Variants in PRDM1 observed in about 807,000 individuals in gnomAD.
The protein encoded by PRDM1 is PR/SET domain 1, also known as PR domain zinc finger protein 1.
A neutral mutation model predicts 62.8 loss-of-function variants in PRDM1; 13 were observed. The ratio of observed to expected loss-of-function variants is 0.21; its 90% CI spans 0.13 to 0.33. The LOEUF is 0.33. Among genes scored for constraint, PRDM1 ranks in the 10% least tolerant of loss-of-function variants. PRDM1 has a pLI of 1.00. For missense variants in PRDM1, 895 were observed against 1,058.8 expected (o/e 0.85, Z 2.15); for synonymous variants, 396 against 417.6 (o/e 0.95, Z 0.63).
At chr6:106,041,439 T>C (rs1772992973) in intron 1 of PRDM1, among the ~76,000 whole-genome samples, 3 of 152,372 alleles carry the variant, frequency 2.0e-5, no homozygotes, top group Admixed American at 2.0e-4. Context: ...TATGTTCTTT[T>C]ACTTTCATTA....
rs1241285544 is a variant in PRDM1, at chr6:105,999,350, G to A, written c.-67+5711G>A. 4.7e-5 allele frequency among the ~76,000 whole-genome samples: 7 copies of A among 150,102 alleles called. No homozygotes were observed. In the East Asian group the frequency reaches 1.5e-3, roughly 31 times the overall value. ...GTGGGAGGATCACTTGAGGCCAGGA[G>A]TTTGAGACCAGCCTGGGCAATATAG... On this transcript the variant is annotated intron_variant, in intron 1 of 6. Transcript: ENST00000652320.
intron 1 of PRDM1, among the ~76,000 whole-genome samples, chr6:106,027,501 A>C (rs771529693): frequency 6.6e-6 from 1 of 152,182 alleles, no homozygotes; most frequent in Non-Finnish European, 1.5e-5. Flanking sequence ...CTGAATACCT[A>C]CACCAAAGCC....
In PRDM1 at chr6:106,088,352, A is replaced by C; in HGVS notation, c.194A>C (p.His65Pro). The change falls in exon 2 of 7, where the codon CAC (histidine) becomes CCC (proline). Residue 65 changes from histidine to proline, a missense_variant. By Grantham distance (77) the His-to-Pro change is moderately conservative. This residue lies in a region of PRDM1 where 213 missense variants were observed against 283.9 expected (regional missense o/e 0.75). Coordinates refer to ENST00000369096, the MANE Select transcript of PRDM1 (RefSeq NM_001198.4). The stretch of plus-strand genomic sequence containing the variant: ...AAGTGTACATACATTGTGAACGACC[A>C]CCCCTGGGATTCTGGTGCTGATGGC... Reference protein sequence around the residue: ...EEKCTYIVNDHPWDSGADGGT... With the variant: ...EEKCTYIVNDPPWDSGADGGT... 1 of 1,614,034 alleles carries C rather than the reference A, an allele frequency of 6.2e-7. No individual in the cohort carries two copies. Among genetic ancestry groups the C allele is most frequent in the Non-Finnish European group, 8.5e-7 (1 of 1,179,998 alleles).
upstream of PRDM1, among the ~76,000 whole-genome samples, chr6:105,992,819 T>C (rs866325117): frequency 6.6e-6 from 1 of 152,188 alleles, no homozygotes; most frequent in African/African-American, 2.4e-5. Flanking sequence ...CTGGACACTG[T>C]GCACAATCAC....
intron 1 of PRDM1, among the ~76,000 whole-genome samples, chr6:106,027,754 C>T (rs1772785827): frequency 6.6e-6 from 1 of 152,100 alleles, no homozygotes; most frequent in South Asian, 2.1e-4. Context: ...TGAGAGTGTC[C>T]TACAAATGAG....
chr6:105,994,932 G>T lies in PRDM1; in HGVS notation c.-67+1293G>T, dbSNP rs1450301728. 6.6e-6 allele frequency among the ~76,000 whole-genome samples: 1 copy of T among 152,232 alleles called. No individual in the cohort carries two copies. The highest frequency in any genetic ancestry group is 1.5e-5 in the Non-Finnish European group (1 of 68,028). On this transcript the variant is annotated intron_variant, in intron 1 of 6. Transcript: ENST00000652320. This position sits in a 1 kb window ranked among gnomAD's most constrained non-coding sequence, Gnocchi z 4.1. ...GAGCCTCCCGGCTTGCGGAGGGCTT[G>T]AGTTTTTTGGCGGAGACAGAGGAAA... is the stretch of plus-strand genomic sequence containing the variant.
At position 106,064,358 on chromosome 6, in the gene PRDM1, C is replaced by A. The variant is rs1773393125; in HGVS notation, c.-67+15644C>A. 2.0e-5 allele frequency among the ~76,000 whole-genome samples: 3 copies of A among 152,230 alleles called. No homozygotes were observed. The South Asian group carries it at 6.2e-4, about 32-fold the overall frequency. On this transcript the variant is annotated intron_variant, in intron 1 of 6. Coordinates refer to the PRDM1 transcript ENST00000651185. ...GTTCACAGGGCAGTCACAGTGATCA[C>A]TCAGGATCAGTGAGATGCTTAGCCA...
At chr6:106,021,644 G>C (rs1370333809) in intron 1 of PRDM1, among the ~76,000 whole-genome samples, 1 of 152,236 alleles carries the variant, frequency 6.6e-6, no homozygotes, top group Non-Finnish European at 1.5e-5. Context: ...TATTGAGACA[G>C]AGTTTCACTC....
Position 106,105,091 on chromosome 6 carries a change from A to C in PRDM1, c.931A>C (p.Lys311Gln), listed in dbSNP as rs770391600. 1.3e-4 allele frequency: 207 copies of C among 1,613,900 alleles called. No homozygotes were observed. The highest frequency in any genetic ancestry group is 1.6e-4 in the Non-Finnish European group (194 of 1,179,998). Reference sequence around the variant, plus strand: ...GGCCCCTCTGCCAGAAGACTTTTTGAAAGCTTCCCTGGCCTACGGGATCGA... The same window carrying C: ...GGCCCCTCTGCCAGAAGACTTTTTGCAAGCTTCCCTGGCCTACGGGATCGA... ...IRAPLPEDFL[K>Q]ASLAYGIERP... Residue 311 changes from lysine (K) to glutamine (Q), a missense_variant, in exon 5 of 7, where the codon AAA (lysine) becomes CAA (glutamine). Lys to Gln is a moderately conservative substitution (Grantham distance 53). Around this residue, in one of 4 missense-constraint regions of PRDM1, gnomAD observed 444 missense variants for 422.7 expected, o/e 1.05. Transcript: ENST00000369096.
chr6:106,075,798 C>G (rs1773595315), intron 1 of PRDM1, among the ~76,000 whole-genome samples: 1 of 152,150 alleles, frequency 6.6e-6, no homozygotes, highest in Non-Finnish European at 1.5e-5. Context: ...CTCAAGTGAT[C>G]CTCCTGCCTC....
rs767847344 is a variant in PRDM1 at position 106,107,291 on chromosome 6, C to G, written c.2283C>G (p.Ala761=). The part of the protein sequence containing the change: ...VISVVEKEIL[A]VVRKEKEETG... ...CTGTAGTGGAGAAGGAAATTCTGGC[C>G]GTGGTCAGAAAAGAGAAAGAAGAAA... Residue 761 remains alanine (A), a synonymous_variant, in exon 7 of 7, where the codon GCC becomes GCG. Coordinates refer to ENST00000369096, the MANE Select transcript of PRDM1 (RefSeq NM_001198.4). The G allele has an allele frequency of 6.2e-7, 1 of 1,614,014 alleles. No individual in the cohort carries two copies. Among genetic ancestry groups the G allele is most frequent in the Non-Finnish European group, 8.5e-7 (1 of 1,180,012 alleles).
At chr6:106,067,828 A>G (rs1773456389) in intron 1 of PRDM1, among the ~76,000 whole-genome samples, 1 of 152,160 alleles carries the variant, frequency 6.6e-6, no homozygotes, top group South Asian at 2.1e-4. Context: ...TGTAATTAAT[A>G]CTACTGAGTC....
chr6:106,098,957 T>C, intron 3 of PRDM1: 1 of 1,540,862 alleles, frequency 6.5e-7, no homozygotes, highest in Non-Finnish European at 8.8e-7. Flanking sequence ...ATCGCCCATT[T>C]GCCATTCACT....
chr6:106,098,901 A>G, intron 3 of PRDM1: 3 of 1,509,274 alleles, frequency 2.0e-6, no homozygotes, highest in Non-Finnish European at 2.7e-6. Flanking sequence ...CTACCCAGTG[A>G]CTCAAAGCAC....
intron 2 of PRDM1, among the ~76,000 whole-genome samples, chr6:106,094,249 TC>T (rs1774031478): frequency 6.6e-6 from 1 of 152,180 alleles, no homozygotes; most frequent in Non-Finnish European, 1.5e-5. Context: ...TACCACTCCC[TC>T]CTCCTTGGTC....
At chr6:106,089,866 C>A (rs1307556742) in intron 2 of PRDM1, among the ~76,000 whole-genome samples, 1 of 152,124 alleles carries the variant, frequency 6.6e-6, no homozygotes, top group Non-Finnish European at 1.5e-5. Context: ...TCGTCTGTTC[C>A]CAAGCTTCGT....
intron 1 of PRDM1, among the ~76,000 whole-genome samples, chr6:106,060,883 A>G (rs1773334606): frequency 6.6e-6 from 1 of 152,090 alleles, no homozygotes; most frequent in Non-Finnish European, 1.5e-5. Flanking sequence ...GGAGGATGAC[A>G]GTGAGCCAGA....
upstream of PRDM1, among the ~76,000 whole-genome samples, chr6:106,082,828 G>A (rs922339533): frequency 2.0e-5 from 3 of 152,220 alleles, no homozygotes; most frequent in African/African-American, 7.2e-5. Flanking sequence ...GCTGTGTCAT[G>A]AGAAGGAAGC....
chr6:106,017,962 G>C (rs1428261478), intron 1 of PRDM1, among the ~76,000 whole-genome samples: 2 of 152,064 alleles, frequency 1.3e-5, no homozygotes, highest in African/African-American at 4.8e-5. Flanking sequence ...GTACCTGTAG[G>C]GCTGTAAAGA....
Sources: gnomAD v4.1 joint callset for allele counts (sites outside exome capture counted in the v4.1 genomes callset) on GRCh38, gnomAD v4.1.1 for gene constraint, gnomAD v4.1.1 regional missense constraint, Gnocchi (gnomAD v3.1) non-coding constraint, MANE v1.5 for transcripts, NCBI Gene and HGNC (gene_info 2026-07-23, HGNC 2026-07-21) for gene names.